SUSD5: variants seen among roughly 807,000 people sequenced by gnomAD.
The protein encoded by SUSD5 is sushi domain-containing protein 5.
SUSD5 carries 33 observed loss-of-function variants against 29.5 expected under a neutral mutation model. The ratio of observed to expected loss-of-function variants is 1.12; its 90% CI spans 0.85 to 1.49. The LOEUF (loss-of-function observed/expected upper bound fraction) is 1.49, where lower values mean the gene tolerates loss of function less well. Ranked by LOEUF, SUSD5 falls within the 40% of genes most tolerant of loss-of-function variation. The pLI is 0.00. For synonymous variants in SUSD5, 308 were observed against 325.3 expected, an observed-to-expected ratio of 0.95 and a Z score of 0.57; for missense variants, 776 against 800.6, an observed-to-expected ratio of 0.97 and a Z score of 0.37.
intron 4 of SUSD5, among the ~76,000 whole-genome samples, 172 bp from the exon 5 acceptor site, chr3:33,154,205 A>G (rs1321855586): frequency 1.3e-5 from 2 of 152,222 alleles, no homozygotes; most frequent in East Asian, 3.8e-4. Context: ...CTACATATGA[A>G]TATTACAAGT....
At chr3:33,159,856 G>T (rs1013049813) in intron 4 of SUSD5, among the ~76,000 whole-genome samples, 1 of 152,150 alleles carries the variant, frequency 6.6e-6, no homozygotes, top group Non-Finnish European at 1.5e-5. Context: ...ATGAATTTCA[G>T]AAACTAGTTA....
chr3:33,157,231 G>C (rs781331089), intron 4 of SUSD5, among the ~76,000 whole-genome samples: 1 of 152,168 alleles, frequency 6.6e-6, no homozygotes, highest in African/African-American at 2.4e-5. Context: ...TCCCTCCCCC[G>C]TTGGAGCATA....
Position 33,154,049 on chromosome 3 carries a change from GA to G in SUSD5, c.599-17del. On this transcript the variant is annotated splice_polypyrimidine_tract_variant and intron_variant, in intron 4 of 4. Coordinates refer to ENST00000309558, the MANE Select transcript of SUSD5 (RefSeq NM_015551.2). The stretch of plus-strand genomic sequence containing the variant: ...TCAGCCTCATCTGGAAGAAAAGAGG[GA>G]AAAAACCTCATTAGCTCCAAAGGCA... 1.9e-6 allele frequency: 3 copies of G among 1,552,356 alleles called. No individual in the cohort carries two copies. The highest frequency in any genetic ancestry group is 1.2e-5 in the South Asian group (1 of 80,480).
intron 4 of SUSD5, among the ~76,000 whole-genome samples, chr3:33,160,463 G>A (rs1416676795): frequency 6.6e-6 from 1 of 152,088 alleles, no homozygotes; most frequent in Admixed American, 6.6e-5. Context: ...GCTGAGGCAG[G>A]AGGATCACTT....
Position 33,153,417 on chromosome 3 carries a change from G to A in SUSD5, c.1215C>T (p.Val405=). 1 of 1,613,828 alleles carries A rather than the reference G, an allele frequency of 6.2e-7. No homozygotes were observed. Among genetic ancestry groups the A allele is most frequent in the Non-Finnish European group, 8.5e-7 (1 of 1,179,870 alleles). ...GAATGGGCTGATCAGGAGTAACTAG[G>A]ACGTTTTCATCCAGCCCTACTGACC... ...GDGSVGLDEN[V]LVTPDQPILV... The change falls in exon 5 of 5, where the codon GTC becomes GTT. Residue 405 remains valine, a synonymous_variant. Transcript: ENST00000309558.
chr3:33,156,385 C>T (rs76541491), intron 4 of SUSD5, among the ~76,000 whole-genome samples: 3,139 of 152,186 alleles, frequency 0.021, 69 homozygotes, highest in East Asian at 0.11. Flanking sequence ...GTAAAACTTC[C>T]AAGTCATGAG....
intron 4 of SUSD5, among the ~76,000 whole-genome samples, chr3:33,166,298 A>G (rs1253857671): frequency 6.6e-6 from 1 of 152,214 alleles, no homozygotes; most frequent in Non-Finnish European, 1.5e-5. Flanking sequence ...ACCAATGACA[A>G]ATATTAGAAA....
chr3:33,185,173 G>A (rs1321841574), intron 3 of SUSD5, among the ~76,000 whole-genome samples: 3 of 152,208 alleles, frequency 2.0e-5, no homozygotes, highest in Non-Finnish European at 4.4e-5. Context: ...GAGAGAGGAT[G>A]GCTACAGGGA....
chr3:33,210,282 G>A (rs912258982), intron 2 of SUSD5, among the ~76,000 whole-genome samples: 3 of 152,188 alleles, frequency 2.0e-5, no homozygotes, highest in Non-Finnish European at 4.4e-5. Flanking sequence ...AGGAGGGCCT[G>A]CGAACAGTTC....
intron 3 of SUSD5, 114 bp downstream of exon 3, chr3:33,207,694 T>C: frequency 3.2e-6 from 2 of 633,780 alleles, no homozygotes; most frequent in Non-Finnish European, 5.3e-6. Context: ...GACTTCCTGA[T>C]AAACCATGTC....
rs374105402 is a variant in SUSD5 at position 33,153,163 on chromosome 3, A to G, written c.1469T>C (p.Leu490Pro). Residue 490 changes from leucine to proline, a missense_variant, in exon 5 of 5, where the codon CTC (leucine) becomes CCC (proline). By Grantham distance (98) the Leu-to-Pro change is moderately conservative. Coordinates refer to ENST00000309558, the MANE Select transcript of SUSD5 (RefSeq NM_015551.2). ...ESPMATLSYE[L>P]TSSTLEILTV... is the part of the protein sequence containing the mutation. ...TAATATCTCCAGGGTGGAGCTGGTG[A>G]GCTCATAGGACAGGGTGGCCATGGG... The G allele has an allele frequency of 1.0e-4, 162 of 1,613,660 alleles. No individual in the cohort carries two copies. The highest frequency in any genetic ancestry group is 1.2e-4 in the Non-Finnish European group (146 of 1,179,846).
chr3:33,193,163 G>C (rs1184434350), intron 3 of SUSD5, among the ~76,000 whole-genome samples: 1 of 152,186 alleles, frequency 6.6e-6, no homozygotes, highest in Non-Finnish European at 1.5e-5. Flanking sequence ...TCATAAGCCA[G>C]GTAAAAAGTC....
At chr3:33,214,143 G>C (rs1412164438) in intron 1 of SUSD5, 38 bp from the exon 2 acceptor site, 1 of 1,542,952 alleles carries the variant, frequency 6.5e-7, no homozygotes, top group Non-Finnish European at 8.8e-7. Flanking sequence ...TGGATTTCAG[G>C]ATCCATGGGA....
intron 4 of SUSD5, among the ~76,000 whole-genome samples, chr3:33,159,442 T>C (rs2031127728): frequency 6.6e-6 from 1 of 152,132 alleles, no homozygotes. Context: ...CATATTTCAC[T>C]TCCATCTGCC....
At chr3:33,161,237 G>T (rs1167257230) in intron 4 of SUSD5, among the ~76,000 whole-genome samples, 2 of 152,308 alleles carry the variant, frequency 1.3e-5, no homozygotes, top group South Asian at 4.1e-4. Context: ...CATAGAAGCT[G>T]GGAGGAGGTA....
chr3:33,194,060 T>C (rs191797623), intron 3 of SUSD5, among the ~76,000 whole-genome samples: 1 of 152,322 alleles, frequency 6.6e-6, no homozygotes, highest in African/African-American at 2.4e-5. Flanking sequence ...TTGAGATATT[T>C]CTCAGACTCT....
chr3:33,171,000 C>T (rs1306711486), intron 4 of SUSD5, among the ~76,000 whole-genome samples: 1 of 152,194 alleles, frequency 6.6e-6, no homozygotes, highest in Non-Finnish European at 1.5e-5. Flanking sequence ...TTCGCAGGAA[C>T]CTCATCTCTA....
At position 33,164,969 on chromosome 3, in the gene SUSD5, A is replaced by AACACACACACACACAC. The variant is rs34551240; in HGVS notation, c.598+9901_598+9916dup. Among the ~76,000 whole-genome samples, 36 of 147,136 alleles carry AACACACACACACACAC rather than the reference A, an allele frequency of 2.4e-4. 1 individual carries two copies. The highest frequency in any genetic ancestry group is 1.0e-3 in the East Asian group (5 of 5,002). Reference sequence around the variant, plus strand: ...TGTTGGGTATTATCTACTAAAGTTGAACACACACACACACACACACACACA... The same window carrying AACACACACACACACAC: ...TGTTGGGTATTATCTACTAAAGTTGAACACACACACACACACACACACACACACACACACACACACA... On this transcript the variant is annotated intron_variant, in intron 4 of 4. Coordinates refer to ENST00000309558, the MANE Select transcript of SUSD5 (RefSeq NM_015551.2).
intron 3 of SUSD5, among the ~76,000 whole-genome samples, chr3:33,188,363 A>C (rs893821635): frequency 4.6e-5 from 7 of 152,106 alleles, no homozygotes; most frequent in African/African-American, 1.7e-4. Context: ...ATGTGTCTTT[A>C]GGGCCCCCTG....
Sources: allele counts gnomAD v4.1 joint callset (sites outside exome capture counted in the v4.1 genomes callset), GRCh38; gene constraint gnomAD v4.1.1; transcripts MANE v1.5; gene names NCBI Gene and HGNC (gene_info 2026-07-23, HGNC 2026-07-21).